Variants in AGBL1 observed in about 807,000 individuals in gnomAD.
The protein encoded by AGBL1 is cytosolic carboxypeptidase 4.
Under a neutral mutation model 118.9 loss-of-function variants are expected in AGBL1, and 130 were observed. The observed-to-expected ratio is 1.09, with a 90% CI of 0.95 to 1.26. The LOEUF is 1.26. Ranked by LOEUF, AGBL1 falls within the 50% of genes most tolerant of loss-of-function variation. The pLI is 0.00. For missense variants in AGBL1, 1,584 were observed against 1,298.1 expected (o/e 1.22, Z -3.38); for synonymous variants, 555 against 478.9 (o/e 1.16, Z -2.08).
chr15:86,504,834 A>G (rs375011712), intron 18 of AGBL1, among the ~76,000 whole-genome samples: 1 of 151,684 alleles, frequency 6.6e-6, no homozygotes, highest in East Asian at 1.9e-4. Context: ...TGCCTTTTAT[A>G]TTTACGTATG....
chr15:86,370,225 G>T lies in AGBL1; in HGVS notation c.2375-27141G>T, dbSNP rs572954445. 8.6e-5 allele frequency among the ~76,000 whole-genome samples: 13 copies of T among 151,852 alleles called. 1 individual carries two copies. The South Asian group carries it at 2.7e-3, about 32-fold the overall frequency. On this transcript the variant is annotated intron_variant, in intron 17 of 22. Coordinates refer to ENST00000614907, the MANE Select transcript of AGBL1 (RefSeq NM_001386094.1). ...CCATTAAACCAGTATTAGCCACTCT[G>T]GGTAAATCATGTGTCTTGGAGTGAG...
chr15:86,649,765 T>C lies in AGBL1; in HGVS notation c.2995-24508T>C, dbSNP rs145849940. 5.7e-3 allele frequency among the ~76,000 whole-genome samples: 862 copies of C among 151,910 alleles called. 29 individuals carry two copies. The highest frequency in any genetic ancestry group is 0.022 in the East Asian group (114 of 5,174). ...GTATGCCCTTTTATTCAACATTCTT[T>C]TTTTTTTTGGTGGGGGGCTTATAAT... On this transcript the variant is annotated intron_variant, in intron 21 of 22. Transcript: ENST00000614907.
At chr15:86,363,346 AG>A (rs1197286797) in intron 17 of AGBL1, among the ~76,000 whole-genome samples, 1 of 152,060 alleles carries the variant, frequency 6.6e-6, no homozygotes, top group Non-Finnish European at 1.5e-5. Flanking sequence ...GGGTACTTAG[AG>A]GTTTGTTCCC....
chr15:86,207,119 G>T (rs999331832), intron 5 of AGBL1, among the ~76,000 whole-genome samples: 17 of 152,156 alleles, frequency 1.1e-4, no homozygotes, highest in Non-Finnish European at 2.1e-4. Flanking sequence ...TCAGATTATT[G>T]TAGATGTGTG....
intron 16 of AGBL1, among the ~76,000 whole-genome samples, chr15:86,291,949 G>T (rs577128946): frequency 1.3e-5 from 2 of 152,138 alleles, no homozygotes; most frequent in African/African-American, 2.4e-5. Context: ...CTTGAATCTG[G>T]TATAAACATG....
At chr15:86,821,171 G>C (rs984023373) in intron 22 of AGBL1, among the ~76,000 whole-genome samples, 2 of 151,996 alleles carry the variant, frequency 1.3e-5, no homozygotes, top group African/African-American at 4.8e-5. Context: ...ACTGAGGCCT[G>C]TCAGGAGATT....
chr15:86,108,898 A>G (rs1419754307), intron 1 of AGBL1, among the ~76,000 whole-genome samples: 1 of 152,316 alleles, frequency 6.6e-6, no homozygotes, highest in East Asian at 1.9e-4. Flanking sequence ...TGGAGGTTGC[A>G]GTGAGCCAAG....
At chr15:86,629,895 T>C (rs1296408036) in intron 21 of AGBL1, among the ~76,000 whole-genome samples, 3 of 152,266 alleles carry the variant, frequency 2.0e-5, no homozygotes, top group African/African-American at 7.2e-5. Context: ...ATGGGGCTTC[T>C]GGTCATTACC....
chr15:86,579,767 T>C (rs2084148527), intron 21 of AGBL1, among the ~76,000 whole-genome samples: 2 of 152,036 alleles, frequency 1.3e-5, no homozygotes, highest in Admixed American at 1.3e-4. Flanking sequence ...GTGAAGCCCA[T>C]GGTTGGAGGG....
chr15:86,529,324 G>A (rs1361339600), intron 19 of AGBL1, among the ~76,000 whole-genome samples: 4 of 135,350 alleles, frequency 3.0e-5, no homozygotes, highest in Non-Finnish European at 6.0e-5. Flanking sequence ...GAAGCCTCAG[G>A]AGCCGATGCG....
Position 86,460,367 on chromosome 15 carries a change from G to T in AGBL1, c.2556-62443G>T, listed in dbSNP as rs528603646. On this transcript the variant is annotated intron_variant, in intron 18 of 22. Coordinates refer to ENST00000614907, the MANE Select transcript of AGBL1 (RefSeq NM_001386094.1). ...AAAAAATAGCCAGGCGTGGTGATAG[G>T]TACCTATAGTCCTAGCTACTTGGGA... 6.0e-4 allele frequency among the ~76,000 whole-genome samples: 88 copies of T among 147,096 alleles called. 3 individuals carry two copies. The South Asian group carries it at 0.019, about 32-fold the overall frequency.
At chr15:86,467,323 C>T (rs948368165) in intron 18 of AGBL1, among the ~76,000 whole-genome samples, 3 of 152,204 alleles carry the variant, frequency 2.0e-5, no homozygotes, top group Non-Finnish European at 2.9e-5. Flanking sequence ...ACTCCTCCCC[C>T]CACCAAGCTT....
At chr15:86,747,135 A>G (rs1444584329) in intron 22 of AGBL1, among the ~76,000 whole-genome samples, 1 of 152,022 alleles carries the variant, frequency 6.6e-6, no homozygotes, top group Non-Finnish European at 1.5e-5. Flanking sequence ...CCGCCTTTAA[A>G]AGAGCATGGG....
intron 21 of AGBL1, among the ~76,000 whole-genome samples, chr15:86,567,709 G>A (rs1163599534): frequency 1.3e-5 from 2 of 152,092 alleles, no homozygotes; most frequent in South Asian, 2.1e-4. Flanking sequence ...GTAATCTGAG[G>A]AGAGATTGAG....
intron 23 of AGBL1, among the ~76,000 whole-genome samples, chr15:86,970,356 G>A (rs992787736): frequency 1.3e-5 from 2 of 151,942 alleles, no homozygotes; most frequent in African/African-American, 4.8e-5. Context: ...ATTGCTTATT[G>A]TTGTCATTTA....
At chr15:86,902,489 T>G (rs77778521) in intron 22 of AGBL1, among the ~76,000 whole-genome samples, 6,310 of 152,278 alleles carry the variant, frequency 0.041, 163 homozygotes, top group Non-Finnish European at 0.062. Flanking sequence ...TTTGCTCATA[T>G]TTTTACTCTT....
chr15:86,291,265 C>T (rs2079540834), intron 16 of AGBL1, among the ~76,000 whole-genome samples: 1 of 152,122 alleles, frequency 6.6e-6, no homozygotes, highest in African/African-American at 2.4e-5. Context: ...CTTTCAAGAT[C>T]TAAGCAGTAC....
At chr15:86,262,004 C>T (rs1046729636) in intron 9 of AGBL1, among the ~76,000 whole-genome samples, 3 of 149,310 alleles carry the variant, frequency 2.0e-5, no homozygotes, top group African/African-American at 7.4e-5. Context: ...TATGCAACAG[C>T]CACCTTCTTT....
chr15:86,452,545 G>T (rs1453882844), intron 18 of AGBL1, among the ~76,000 whole-genome samples: 1 of 152,174 alleles, frequency 6.6e-6, no homozygotes, highest in Non-Finnish European at 1.5e-5. Context: ...CTTAGCTAGT[G>T]TAGAAGCTCA....
Sources: gnomAD v4.1 joint callset for allele counts (sites outside exome capture counted in the v4.1 genomes callset) on GRCh38, gnomAD v4.1.1 for gene constraint, MANE v1.5 for transcripts, NCBI Gene and HGNC (gene_info 2026-07-23, HGNC 2026-07-21) for gene names.